Variants in SULT6B1 observed in about 807,000 individuals in gnomAD.
The protein encoded by SULT6B1 is sulfotransferase 6B1.
In SULT6B1, 44 loss-of-function variants were observed where a neutral mutation model predicts 37.2. The ratio of observed to expected loss-of-function variants is 1.18; its 90% CI spans 0.93 to 1.52. The LOEUF (loss-of-function observed/expected upper bound fraction) is 1.52, where lower values mean the gene tolerates loss of function less well. Among genes scored for constraint, SULT6B1 ranks in the 40% most tolerant of loss-of-function variants. The pLI, the probability that SULT6B1 is intolerant of heterozygous loss-of-function variation, is 0.00. For synonymous variants in SULT6B1, 140 were observed against 126.0 expected, an observed-to-expected ratio of 1.11 and a Z score of -0.74; for missense variants, 450 against 361.0, an observed-to-expected ratio of 1.25 and a Z score of -2.00.
upstream of SULT6B1, among the ~76,000 whole-genome samples, chr2:37,191,812 G>A (rs996422739): frequency 2.0e-5 from 3 of 152,152 alleles, no homozygotes; most frequent in Non-Finnish European, 2.9e-5. Context: ...GGAGTGACAG[G>A]GCCAGGCCAG....
chr2:37,171,713 T>C, intron 5 of SULT6B1, 123 bp from the exon 6 acceptor site: 1 of 798,764 alleles, frequency 1.3e-6, no homozygotes, highest in Admixed American at 2.9e-5. Context: ...TCCCCCACTT[T>C]AAACTTAGAG....
intron 1 of SULT6B1, among the ~76,000 whole-genome samples, chr2:37,193,913 G>A (rs905575997): frequency 6.6e-6 from 1 of 152,052 alleles, no homozygotes; most frequent in Non-Finnish European, 1.5e-5. Flanking sequence ...AAGGACCCTT[G>A]GTAAAAGTTT....
chr2:37,172,739 C>G (rs1262477367), intron 5 of SULT6B1, among the ~76,000 whole-genome samples: 1 of 152,188 alleles, frequency 6.6e-6, no homozygotes, highest in Non-Finnish European at 1.5e-5. Context: ...AACTCCTGAC[C>G]TCAAGTGATC....
At chr2:37,180,497 A>G (rs1558448474) in intron 3 of SULT6B1, among the ~76,000 whole-genome samples, 1 of 152,212 alleles carries the variant, frequency 6.6e-6, no homozygotes, top group Non-Finnish European at 1.5e-5. Context: ...GATTTTTTCA[A>G]CATGGTTTTA....
chr2:37,185,988 C>T (rs191298207), intron 2 of SULT6B1, among the ~76,000 whole-genome samples: 30 of 152,246 alleles, frequency 2.0e-4, no homozygotes, highest in African/African-American at 6.5e-4. Context: ...CCTTTGTTGC[C>T]AACCAAATCC....
At chr2:37,169,199 G>T (rs1432432224) in intron 6 of SULT6B1, among the ~76,000 whole-genome samples, 2 of 152,042 alleles carry the variant, frequency 1.3e-5, no homozygotes, top group Non-Finnish European at 2.9e-5. Flanking sequence ...AGATAGAAAG[G>T]TTCTATTTCC....
In SULT6B1 at chr2:37,172,067, A is replaced by G. The variant is rs558959327; in HGVS notation, c.625-477T>C. On this transcript the variant is annotated intron_variant, in intron 5 of 6. Transcript: ENST00000535679. ...CTTGAAGAATTTTTTTTTTTTTTTT[A>G]GACAGGGTCTTTCTCTGCTGCCCAG... Among the ~76,000 whole-genome samples, 6 of 135,268 alleles carry G rather than the reference A, an allele frequency of 4.4e-5. No homozygotes were observed. In the Admixed American group the frequency reaches 4.5e-4, roughly 10 times the overall value. 88.7% of individuals were successfully genotyped at this position (135,268 alleles called of 152,430 possible).
intron 1 of SULT6B1, chr2:37,194,411 G>A (rs1676849481): frequency 4.8e-6 from 2 of 417,022 alleles, no homozygotes; most frequent in South Asian, 3.8e-5. Context: ...AGTGGTAACA[G>A]GTACATAGGT....
chr2:37,179,537 CA>C lies in SULT6B1; in HGVS notation c.449del (p.Leu150CysfsTer24), dbSNP rs1200653192. ...RNPKDTAVSFLHFHNDVPDIP... is the reference protein window; with the variant it reads ...RNPKDTAVSFXHFHNDVPDIP... The stretch of plus-strand genomic sequence containing the variant: ...TATCGGGGACATCGTTGTGGAAATG[CA>C]AAAAAGATACTGCTGTATCTTTAGG... On this transcript the variant is annotated frameshift_variant, in exon 4 of 7. Transcript: ENST00000535679. LOFTEE classifies it high-confidence loss of function. 6.2e-7 allele frequency: 1 copy of C among 1,608,920 alleles called. No homozygotes were observed. The highest frequency in any genetic ancestry group is 1.3e-5 in the African/African-American group (1 of 74,594).
chr2:37,179,266 G>A (rs956371545), intron 4 of SULT6B1, among the ~76,000 whole-genome samples, 192 bp downstream of exon 4: 8 of 152,210 alleles, frequency 5.3e-5, no homozygotes, highest in Admixed American at 3.3e-4. Context: ...CCCCAAATTC[G>A]TTTTTAAAAC....
chr2:37,195,194 C>T (rs1471647537), intron 1 of SULT6B1, among the ~76,000 whole-genome samples: 3 of 152,104 alleles, frequency 2.0e-5, no homozygotes, highest in Non-Finnish European at 4.4e-5. Flanking sequence ...AGGTTATCTG[C>T]CCACCTTGGC....
intron 1 of SULT6B1, chr2:37,194,464 A>G (rs1454655339): frequency 7.0e-6 from 3 of 426,704 alleles, no homozygotes; most frequent in Non-Finnish European, 1.4e-5. Context: ...CATCCTCATT[A>G]CATCCTCTGG....
chr2:37,180,018 A>T (rs890063654), intron 3 of SULT6B1, among the ~76,000 whole-genome samples: 1 of 152,240 alleles, frequency 6.6e-6, no homozygotes, highest in Admixed American at 6.5e-5. Context: ...TATGATGTTT[A>T]TGGGTGAGTA....
chr2:37,189,350 C>T (rs141765607), upstream of SULT6B1, among the ~76,000 whole-genome samples: 583 of 152,158 alleles, frequency 3.8e-3, 3 homozygotes, highest in African/African-American at 0.014. Flanking sequence ...GATGTAAGGC[C>T]GAAAAAGAGA....
intron 5 of SULT6B1, among the ~76,000 whole-genome samples, chr2:37,174,597 C>A (rs1676374206): frequency 6.6e-6 from 1 of 151,984 alleles, no homozygotes; most frequent in Non-Finnish European, 1.5e-5. Context: ...TTCTTTTTTT[C>A]TCACATACTA....
chr2:37,174,667 A>G (rs747134477), intron 5 of SULT6B1, among the ~76,000 whole-genome samples: 1 of 152,080 alleles, frequency 6.6e-6, no homozygotes, highest in African/African-American at 2.4e-5. Context: ...ACCTTCTCCA[A>G]CTGGCATGTA....
intron 2 of SULT6B1, among the ~76,000 whole-genome samples, chr2:37,186,820 C>T (rs1329156920): frequency 6.6e-6 from 1 of 152,096 alleles, no homozygotes; most frequent in Admixed American, 6.5e-5. Flanking sequence ...CGCTTGAGCC[C>T]AGGAGGTCGA....
chr2:37,192,058 G>A (rs958178013), upstream of SULT6B1, among the ~76,000 whole-genome samples: 4 of 152,244 alleles, frequency 2.6e-5, no homozygotes, highest in African/African-American at 4.8e-5. Flanking sequence ...AGCAAGTACA[G>A]CTGGTTGGGC....
rs557158176 is a variant in SULT6B1, at chr2:37,180,797, T to C, written c.403-1213A>G. 3.9e-5 allele frequency among the ~76,000 whole-genome samples: 6 copies of C among 152,218 alleles called. No individual in the cohort carries two copies. The East Asian group carries it at 9.7e-4, about 25-fold the overall frequency. ...TACTCGGGAGGCTGAGGCAGGAGAA[T>C]TGGTTGAACCTAGGAGACGGAGGTT... On this transcript the variant is annotated intron_variant, in intron 3 of 6. Coordinates refer to ENST00000535679, the MANE Select transcript of SULT6B1 (RefSeq NM_001367551.1).
Sources: gnomAD v4.1 joint callset for allele counts (sites outside exome capture counted in the v4.1 genomes callset) on GRCh38, gnomAD v4.1.1 for gene constraint, MANE v1.5 for transcripts, NCBI Gene and HGNC (gene_info 2026-07-23, HGNC 2026-07-21) for gene names.